Variants in DLG2 observed in about 807,000 individuals in gnomAD.
DLG2 encodes the protein disks large homolog 2.
DLG2 carries 45 observed loss-of-function variants against 132.5 expected under a neutral mutation model. The ratio of observed to expected loss-of-function variants is 0.34; its 90% CI spans 0.27 to 0.44. DLG2 has a LOEUF of 0.44. Ranked by LOEUF, DLG2 falls within the 20% of genes least tolerant of loss-of-function variation. The pLI, the probability that DLG2 is intolerant of heterozygous loss-of-function variation, is 1.00. For missense variants in DLG2, 1,045 were observed against 1,196.9 expected (o/e 0.87, Z 1.87); for synonymous variants, 424 against 419.6 (o/e 1.01, Z -0.13).
At chr11:85,580,751 C>T (rs1422585354) in intron 3 of DLG2, among the ~76,000 whole-genome samples, 1 of 152,160 alleles carries the variant, frequency 6.6e-6, no homozygotes, top group Non-Finnish European at 1.5e-5. Flanking sequence ...ATACTCTTAA[C>T]CCTTACACCA....
intron 3 of DLG2, among the ~76,000 whole-genome samples, chr11:85,524,755 A>G (rs2074608169): frequency 6.6e-6 from 1 of 152,136 alleles, no homozygotes; most frequent in African/African-American, 2.4e-5. Context: ...CAGCCTTCCA[A>G]AGTGCTGGGA....
chr11:84,962,074 C>T (rs985619151), intron 6 of DLG2, among the ~76,000 whole-genome samples: 22 of 152,246 alleles, frequency 1.4e-4, no homozygotes, highest in African/African-American at 5.3e-4. Context: ...AGATTATTAA[C>T]CCTCACAATG....
chr11:85,226,275 G>A (rs1421656756), intron 4 of DLG2, among the ~76,000 whole-genome samples: 1 of 151,948 alleles, frequency 6.6e-6, no homozygotes, highest in African/African-American at 2.4e-5. Flanking sequence ...TGGATGGATG[G>A]ATGCATAGAT....
At chr11:85,373,970 T>A (rs985868220) in intron 3 of DLG2, among the ~76,000 whole-genome samples, 2 of 152,180 alleles carry the variant, frequency 1.3e-5, no homozygotes, top group Admixed American at 1.3e-4. Context: ...ATGTAACACG[T>A]CACTCTGCCC....
chr11:85,057,651 T>C (rs1387173588), intron 6 of DLG2, among the ~76,000 whole-genome samples: 1 of 151,618 alleles, frequency 6.6e-6, no homozygotes, highest in Non-Finnish European at 1.5e-5. Context: ...TCCCAATTTC[T>C]TTTAAGGCCA....
chr11:84,623,964 G>A (rs1341745397), intron 6 of DLG2, among the ~76,000 whole-genome samples: 2 of 152,114 alleles, frequency 1.3e-5, no homozygotes, highest in Admixed American at 1.3e-4. Flanking sequence ...ATTTATTTTT[G>A]TATCTTCAAT....
chr11:84,688,780 C>G (rs1163340696), intron 6 of DLG2, among the ~76,000 whole-genome samples: 3 of 152,190 alleles, frequency 2.0e-5, no homozygotes, highest in Non-Finnish European at 4.4e-5. Context: ...TCTCCACTGT[C>G]TGTGTCTGTA....
intron 6 of DLG2, among the ~76,000 whole-genome samples, chr11:84,636,562 A>T (rs558317490): frequency 2.0e-5 from 3 of 152,314 alleles, no homozygotes; most frequent in African/African-American, 7.2e-5. Flanking sequence ...ACAGACACAT[A>T]AAAATGACGG....
chr11:83,778,799 AT>A (rs1164579151), intron 18 of DLG2, among the ~76,000 whole-genome samples: 1 of 152,126 alleles, frequency 6.6e-6, no homozygotes, highest in African/African-American at 2.4e-5. Context: ...CCTTTCATGA[AT>A]GAATCTGCAG....
chr11:83,876,680 A>G (rs1352964497), intron 15 of DLG2, among the ~76,000 whole-genome samples: 1 of 147,188 alleles, frequency 6.8e-6, no homozygotes, highest in Non-Finnish European at 1.5e-5. Context: ...TCAGAAATCA[A>G]CAGCTTGCAA....
intron 3 of DLG2, among the ~76,000 whole-genome samples, chr11:85,472,590 A>G (rs536683379): frequency 6.6e-6 from 1 of 152,148 alleles, no homozygotes; most frequent in Middle Eastern, 3.4e-3. Context: ...GAGCCACCAC[A>G]CCCAGCCGAG....
chr11:85,498,305 A>T (rs2093715668), intron 3 of DLG2, among the ~76,000 whole-genome samples: 1 of 152,224 alleles, frequency 6.6e-6, no homozygotes, highest in African/African-American at 2.4e-5. Context: ...ACAGACTTTA[A>T]ACGAACAAAG....
At chr11:83,730,183 C>T (rs376244159) in intron 18 of DLG2, among the ~76,000 whole-genome samples, 8 of 131,484 alleles carry the variant, frequency 6.1e-5, no homozygotes, top group South Asian at 2.4e-4. Flanking sequence ...GTTAAGGTCA[C>T]ACTATATCAA....
At chr11:84,383,848 CTGTG>C in intron 7 of DLG2, among the ~76,000 whole-genome samples, 1 of 152,008 alleles carries the variant, frequency 6.6e-6, no homozygotes, top group African/African-American at 2.4e-5. Flanking sequence ...CCAAAGGAAA[CTGTG>C]AAATAATAAA....
Position 85,021,093 on chromosome 11 carries a change from T to C in DLG2, c.357+90568A>G, listed in dbSNP as rs1056072174. The C allele has an allele frequency of 6.0e-5, 47 of 776,886 alleles. No individual in the cohort carries two copies. In the African/African-American group the frequency reaches 7.5e-4, roughly 12 times the overall value. 48.1% of individuals were successfully genotyped at this position (776,886 alleles called of 1,614,324 possible). A position where few individuals can be genotyped will look rare whatever the true frequency, so the allele number is the denominator to read the frequency against. ...CACTTTTTGTTTTATCTTGGTCAAC[T>C]CCTTCTTAATTGCCTGAAGAGTCAT... On this transcript the variant is annotated intron_variant, in intron 6 of 27. Coordinates refer to ENST00000376104, the MANE Select transcript of DLG2 (RefSeq NM_001142699.3).
At chr11:85,182,393 T>C (rs184648017) in intron 4 of DLG2, among the ~76,000 whole-genome samples, 1 of 152,042 alleles carries the variant, frequency 6.6e-6, no homozygotes, top group Admixed American at 6.6e-5. Flanking sequence ...AAATAAGAAT[T>C]ATATTCTTTA....
chr11:85,030,269 T>C (rs1285175354), intron 6 of DLG2, among the ~76,000 whole-genome samples: 1 of 152,202 alleles, frequency 6.6e-6, no homozygotes, highest in Non-Finnish European at 1.5e-5. Context: ...TTGCTTCACA[T>C]AGGTTCGCTA....
In DLG2 at chr11:84,844,265, T is replaced by TAC. The variant is rs568420590; in HGVS notation, c.357+267394_357+267395dup. 8.0e-5 allele frequency among the ~76,000 whole-genome samples: 12 copies of TAC among 150,558 alleles called. No homozygotes were observed. In the East Asian group the frequency reaches 2.2e-3, roughly 27 times the overall value. ...TGCTTTGTACATACTAGGGAATATA[T>TAC]ACACACACACATTACTTTTTTTTGC... On this transcript the variant is annotated intron_variant, in intron 6 of 27. Transcript: ENST00000376104.
chr11:84,739,835 T>A (rs1312683308), intron 6 of DLG2, among the ~76,000 whole-genome samples: 1 of 152,168 alleles, frequency 6.6e-6, no homozygotes, highest in East Asian at 1.9e-4. Context: ...TTGAAACTTA[T>A]TTGAATAATA....
Sources: gnomAD v4.1 joint callset for allele counts (sites outside exome capture counted in the v4.1 genomes callset) on GRCh38, gnomAD v4.1.1 for gene constraint, MANE v1.5 for transcripts, NCBI Gene and HGNC (gene_info 2026-07-23, HGNC 2026-07-21) for gene names.